WDR88: variants seen among roughly 807,000 people sequenced by gnomAD.
The protein encoded by WDR88 is WD repeat-containing protein 88.
A neutral mutation model predicts 46.8 loss-of-function variants in WDR88; 40 were observed. The ratio of observed to expected loss-of-function variants is 0.86; its 90% CI spans 0.66 to 1.11. The LOEUF (loss-of-function observed/expected upper bound fraction) is 1.11, where lower values mean the gene tolerates loss of function less well. Among genes scored for constraint, WDR88 ranks in the 50% most tolerant of loss-of-function variants. The pLI is 0.00. For missense variants in WDR88, 562 were observed against 602.4 expected, an observed-to-expected ratio of 0.93 and a Z score of 0.70; for synonymous variants, 235 against 240.7, an observed-to-expected ratio of 0.98 and a Z score of 0.22.
At chr19:33,173,187 C>G (rs777668962) in intron 10 of WDR88, among the ~76,000 whole-genome samples, 1 of 150,554 alleles carries the variant, frequency 6.6e-6, no homozygotes, top group Non-Finnish European at 1.5e-5. Context: ...AGGAGCCAGC[C>G]TGGTGCATCG....
intron 7 of WDR88, among the ~76,000 whole-genome samples, chr19:33,159,771 T>C (rs1599907118): frequency 6.6e-6 from 1 of 152,098 alleles, no homozygotes; most frequent in African/African-American, 2.4e-5. Flanking sequence ...TGGAGGATGG[T>C]TTCGGGATGA....
intron 2 of WDR88, among the ~76,000 whole-genome samples, chr19:33,143,552 G>T (rs1473475255): frequency 6.6e-6 from 1 of 151,688 alleles, no homozygotes; most frequent in Non-Finnish European, 1.5e-5. Flanking sequence ...GCTGAGATGG[G>T]AGGATGGCTT....
intron 10 of WDR88, 101 bp downstream of exon 10, chr19:33,172,541 C>A: frequency 2.1e-6 from 2 of 943,032 alleles, no homozygotes; most frequent in African/African-American, 1.7e-5. Flanking sequence ...GAGATGCAAT[C>A]GTGAACAAAC....
Position 33,156,552 on chromosome 19 carries a change from T to A in WDR88, c.997+10T>A. 6.2e-7 allele frequency: 1 copy of A among 1,609,134 alleles called. No individual in the cohort carries two copies. ...CACTTTGCCAGAGACAGTGAGTAAT[T>A]AACATGCAGAAGGCCTCCATTCCTG... On this transcript the variant is annotated intron_variant, in intron 7 of 10. Coordinates refer to ENST00000355868, the MANE Select transcript of WDR88 (RefSeq NM_173479.4).
intron 7 of WDR88, among the ~76,000 whole-genome samples, chr19:33,159,062 GCTCACAGCTTTAATTTC>G (rs1973815793): frequency 6.6e-6 from 1 of 151,824 alleles, no homozygotes; most frequent in African/African-American, 2.4e-5. Context: ...GTGTGTGGTG[GCTCACAGCTTTAATTTC>G]AGTGCTGGGG....
intron 7 of WDR88, among the ~76,000 whole-genome samples, chr19:33,157,665 G>GTGTA (rs1973774011): frequency 2.9e-5 from 3 of 105,258 alleles, no homozygotes; most frequent in Non-Finnish European, 5.5e-5. Flanking sequence ...ATATATGTAT[G>GTGTA]TATGTGTGTG....
intron 9 of WDR88, among the ~76,000 whole-genome samples, chr19:33,171,530 TATA>T (rs750220780): frequency 3.5e-4 from 53 of 152,268 alleles, no homozygotes; most frequent in African/African-American, 8.9e-4. Flanking sequence ...TTATTGCTGC[TATA>T]ATAAGTTACC....
At chr19:33,132,567 C>G (rs1487545776) in intron 1 of WDR88, 122 bp downstream of exon 1, 7 of 1,409,348 alleles carry the variant, frequency 5.0e-6, no homozygotes, top group Non-Finnish European at 6.7e-6. Context: ...CAGCGAGGCC[C>G]TAGGCCCATT....
chr19:33,161,001 C>T (rs895149074), intron 8 of WDR88, among the ~76,000 whole-genome samples: 2 of 151,568 alleles, frequency 1.3e-5, no homozygotes, highest in African/African-American at 4.8e-5. Flanking sequence ...GTGAAACCCC[C>T]GTCTCTACTA....
At chr19:33,134,098 G>T (rs906862933) in intron 1 of WDR88, among the ~76,000 whole-genome samples, 3 of 152,200 alleles carry the variant, frequency 2.0e-5, no homozygotes, top group African/African-American at 7.2e-5. Context: ...TCTGTCCTCT[G>T]CATGAGCTTT....
chr19:33,173,607 C>T (rs1435956807), intron 10 of WDR88, among the ~76,000 whole-genome samples: 2 of 152,238 alleles, frequency 1.3e-5, no homozygotes, highest in African/African-American at 4.8e-5. Flanking sequence ...CTGGGAATGG[C>T]TAATTTGGGA....
chr19:33,145,541 T>G (rs946531905), intron 3 of WDR88, among the ~76,000 whole-genome samples: 7 of 151,566 alleles, frequency 4.6e-5, no homozygotes, highest in African/African-American at 1.7e-4. Context: ...TATCTTTTTT[T>G]TTTTCTTTTT....
intron 6 of WDR88, among the ~76,000 whole-genome samples, chr19:33,154,791 T>C (rs1485516054): frequency 1.3e-5 from 2 of 152,222 alleles, no homozygotes; most frequent in African/African-American, 2.4e-5. Flanking sequence ...TATGCCAGCA[T>C]GGTTCTTAGC....
chr19:33,144,660 G>A (rs1973473374), intron 2 of WDR88, among the ~76,000 whole-genome samples, 184 bp from the exon 3 acceptor site: 2 of 152,190 alleles, frequency 1.3e-5, no homozygotes, highest in South Asian at 4.1e-4. Context: ...TGTCCTTCCC[G>A]CTCAGGGGAC....
intron 9 of WDR88, among the ~76,000 whole-genome samples, chr19:33,165,303 C>T (rs1378470424): frequency 1.3e-5 from 2 of 151,834 alleles, no homozygotes; most frequent in Non-Finnish European, 2.9e-5. Flanking sequence ...GTGGGAGAGG[C>T]GCTGCCTAGC....
intron 8 of WDR88, among the ~76,000 whole-genome samples, chr19:33,162,587 A>G (rs1185506650): frequency 6.6e-6 from 1 of 152,082 alleles, no homozygotes; most frequent in Non-Finnish European, 1.5e-5. Context: ...TCGAGTTTGC[A>G]GTTATTGGAA....
Position 33,147,616 on chromosome 19 carries a change from AGTGTTCGTCATC to A in WDR88, c.477-26_477-15del, listed in dbSNP as rs549403903. On this transcript the variant is annotated splice_polypyrimidine_tract_variant and intron_variant, in intron 3 of 10. Coordinates refer to ENST00000355868, the MANE Select transcript of WDR88 (RefSeq NM_173479.4). ...ACACCCTGTCTCAAAAAAAAGAACC[AGTGTTCGTCATC>A]GTCATCTTATTTCCAGAGTCATTGC... is the stretch of plus-strand genomic sequence containing the variant. 382 of 1,611,130 alleles carry A rather than the reference AGTGTTCGTCATC, an allele frequency of 2.4e-4. 2 individuals are homozygous for A. In the African/African-American group the frequency reaches 4.6e-3, roughly 19 times the overall value.
intron 9 of WDR88, among the ~76,000 whole-genome samples, chr19:33,164,469 G>A (rs903660137): frequency 2.6e-5 from 4 of 152,262 alleles, no homozygotes; most frequent in Admixed American, 2.6e-4. Flanking sequence ...AGGTATTTCT[G>A]TGTCTGTACC....
intron 2 of WDR88, among the ~76,000 whole-genome samples, chr19:33,138,646 C>A (rs1469027612): frequency 6.6e-6 from 1 of 151,436 alleles, no homozygotes; most frequent in East Asian, 1.9e-4. Flanking sequence ...CGTGCCTGGC[C>A]CCCACACCTT....
Sources: gnomAD v4.1 joint callset for allele counts (sites outside exome capture counted in the v4.1 genomes callset) on GRCh38, gnomAD v4.1.1 for gene constraint, MANE v1.5 for transcripts, NCBI Gene and HGNC (gene_info 2026-07-23, HGNC 2026-07-21) for gene names.